The following TMEM108 variants were observed in gnomAD, a reference collection of about 807,000 sequenced individuals.
The protein encoded by TMEM108 is transmembrane protein 108, also known as cancer/testis antigen 124.
TMEM108 carries 12 observed loss-of-function variants against 35.1 expected under a neutral mutation model. The observed-to-expected ratio is 0.34, with a 90% CI of 0.22 to 0.55. The LOEUF (loss-of-function observed/expected upper bound fraction) is 0.55, where lower values mean the gene tolerates loss of function less well. Ranked by LOEUF, TMEM108 falls within the 20% of genes least tolerant of loss-of-function variation. TMEM108 has a pLI of 0.89. For missense variants in TMEM108, 680 were observed against 753.3 expected (o/e 0.90, Z 1.14); for synonymous variants, 287 against 308.6 (o/e 0.93, Z 0.73).
chr3:133,305,609 C>G (rs2071023507), intron 3 of TMEM108, among the ~76,000 whole-genome samples: 1 of 151,992 alleles, frequency 6.6e-6, no homozygotes, highest in Non-Finnish European at 1.5e-5. Flanking sequence ...TGAATAGATT[C>G]CTAGGAGTGA....
At position 133,229,433 on chromosome 3, in the gene TMEM108, G is replaced by A. The variant is rs892695585; in HGVS notation, c.40+82G>A. Reference sequence around the variant, plus strand: ...GGTACCCACAACTTACTTTTTGGACGGAGACCAGGGTTGGATCGGTGAAAG... The same window carrying A: ...GGTACCCACAACTTACTTTTTGGACAGAGACCAGGGTTGGATCGGTGAAAG... On this transcript the variant is annotated intron_variant, in intron 3 of 5. Coordinates refer to ENST00000321871, the MANE Select transcript of TMEM108 (RefSeq NM_023943.4). 1.0e-4 allele frequency: 139 copies of A among 1,361,068 alleles called. 2 individuals carry two copies. In the Middle Eastern group the frequency reaches 2.4e-3, roughly 23 times the overall value. The allele number at this position is 1,361,068 out of a possible 1,614,324, so 84.3% of individuals were successfully genotyped here.
intron 2 of TMEM108, among the ~76,000 whole-genome samples, chr3:133,107,984 C>G (rs1295775735): frequency 6.6e-6 from 1 of 152,144 alleles, no homozygotes; most frequent in Non-Finnish European, 1.5e-5. Flanking sequence ...GTAATCCCAG[C>G]ACTTTGGGAG....
intron 3 of TMEM108, among the ~76,000 whole-genome samples, chr3:133,312,599 G>A (rs1372132008): frequency 6.6e-6 from 1 of 152,234 alleles, no homozygotes; most frequent in Non-Finnish European, 1.5e-5. Context: ...GCAGTATTTG[G>A]GCAGAGTGTC....
intron 2 of TMEM108, among the ~76,000 whole-genome samples, chr3:133,221,660 C>CTTTTTTTTTTTTTTTTTT (rs3078806): frequency 8.3e-5 from 5 of 60,358 alleles, no homozygotes; most frequent in Admixed American, 7.4e-4. Flanking sequence ...ACATTGATTC[C>CTTTTTTTTTTTTTTTTTT]TTTTTTTTTT....
intron 3 of TMEM108, among the ~76,000 whole-genome samples, chr3:133,314,887 C>T (rs1263162001): frequency 6.6e-6 from 1 of 152,232 alleles, no homozygotes; most frequent in African/African-American, 2.4e-5. Flanking sequence ...CCTGGATTTG[C>T]ATAGCTCTTT....
intron 2 of TMEM108, among the ~76,000 whole-genome samples, chr3:133,097,908 C>G (rs1007163724): frequency 6.6e-6 from 1 of 152,158 alleles, no homozygotes; most frequent in African/African-American, 2.4e-5. Context: ...ACACCTCAGC[C>G]TTCTAAGTTT....
intron 3 of TMEM108, among the ~76,000 whole-genome samples, chr3:133,306,374 T>A (rs1224148227): frequency 1.3e-5 from 2 of 152,206 alleles, no homozygotes; most frequent in African/African-American, 2.4e-5. Flanking sequence ...TCCTTCAATT[T>A]TTTTTATTAT....
intron 2 of TMEM108, among the ~76,000 whole-genome samples, chr3:133,145,092 T>A (rs1177219330): frequency 6.6e-6 from 1 of 152,218 alleles, no homozygotes; most frequent in Admixed American, 6.5e-5. Flanking sequence ...TTTTTATGGT[T>A]TTAGGTCTTT....
intron 2 of TMEM108, among the ~76,000 whole-genome samples, chr3:133,197,103 C>A (rs1341457990): frequency 6.6e-6 from 1 of 152,158 alleles, no homozygotes; most frequent in Non-Finnish European, 1.5e-5. Context: ...TATCCATTCA[C>A]AGAGTAACAG....
At chr3:133,358,593 T>C (rs1264899986) in intron 3 of TMEM108, among the ~76,000 whole-genome samples, 5 of 152,110 alleles carry the variant, frequency 3.3e-5, no homozygotes, top group African/African-American at 1.2e-4. Context: ...CCAGGTGGAC[T>C]CTCTGGGCAT....
rs114791417 is a variant in TMEM108 at position 133,218,222 on chromosome 3, A to G, written c.-46-11044A>G. ...TCTTTAGATAGTTTGTTGTTAGTGT[A>G]TAGACATGCAACTAATTATGTGTGT... On this transcript the variant is annotated intron_variant, in intron 2 of 5. Coordinates refer to ENST00000321871, the MANE Select transcript of TMEM108 (RefSeq NM_023943.4). 9.3e-3 allele frequency among the ~76,000 whole-genome samples: 1,407 copies of G among 152,040 alleles called. 19 individuals carry two copies. The highest frequency in any genetic ancestry group is 0.032 in the African/African-American group (1,336 of 41,520).
intron 3 of TMEM108, among the ~76,000 whole-genome samples, chr3:133,337,894 T>C (rs1207557456): frequency 2.0e-5 from 3 of 151,586 alleles, no homozygotes; most frequent in Non-Finnish European, 2.9e-5. Flanking sequence ...AATACTGGAG[T>C]TGAAAAATGC....
intron 3 of TMEM108, among the ~76,000 whole-genome samples, chr3:133,264,536 T>TAGCAAAGA (rs1946670704): frequency 6.6e-6 from 1 of 152,160 alleles, no homozygotes; most frequent in Non-Finnish European, 1.5e-5. Flanking sequence ...TAACACCGTT[T>TAGCAAAGA]TGTAGCAAAG....
At chr3:133,256,524 T>C (rs1407423140) in intron 3 of TMEM108, among the ~76,000 whole-genome samples, 2 of 152,148 alleles carry the variant, frequency 1.3e-5, no homozygotes, top group African/African-American at 4.8e-5. Flanking sequence ...TAATAGCAGT[T>C]AAGTTGGGAG....
In TMEM108 at chr3:133,325,175, T is replaced by C. The variant is rs183612127; in HGVS notation, c.41-54577T>C. Among the ~76,000 whole-genome samples the C allele has an allele frequency of 2.5e-4, 38 of 152,254 alleles. 1 individual carries two copies. Among genetic ancestry groups the C allele is most frequent in the Admixed American group, 1.6e-3 (24 of 15,286 alleles). ...ATAAAAAAGGAATGAAATAATGGCA[T>C]TCAAAGCAAGCTGGATGGAGTTTGA... On this transcript the variant is annotated intron_variant, in intron 3 of 5. Coordinates refer to ENST00000321871, the MANE Select transcript of TMEM108 (RefSeq NM_023943.4).
intron 5 of TMEM108, among the ~76,000 whole-genome samples, chr3:133,391,925 C>T (rs77604448): frequency 0.036 from 5,512 of 152,214 alleles, 315 homozygotes; most frequent in African/African-American, 0.13. Flanking sequence ...TACCCCTCTC[C>T]CCTACTTGAG....
chr3:133,193,923 G>C (rs974408010), intron 2 of TMEM108, among the ~76,000 whole-genome samples: 1 of 149,522 alleles, frequency 6.7e-6, no homozygotes, highest in African/African-American at 2.5e-5. Flanking sequence ...CTTAGGAATA[G>C]TAGGAACATT....
intron 4 of TMEM108, among the ~76,000 whole-genome samples, chr3:133,383,541 A>C (rs1487126788): frequency 6.6e-6 from 1 of 152,176 alleles, no homozygotes; most frequent in Non-Finnish European, 1.5e-5. Context: ...GGCTACACCC[A>C]CCTGGATTTT....
At chr3:133,302,709 C>T (rs987079067) in intron 3 of TMEM108, among the ~76,000 whole-genome samples, 23 of 152,174 alleles carry the variant, frequency 1.5e-4, no homozygotes, top group Non-Finnish European at 1.9e-4. Flanking sequence ...CGTGAGCCAC[C>T]GCCCCCGGCC....
Sources: gnomAD v4.1 joint callset for allele counts (sites outside exome capture counted in the v4.1 genomes callset) on GRCh38, gnomAD v4.1.1 for gene constraint, MANE v1.5 for transcripts, NCBI Gene and HGNC (gene_info 2026-07-23, HGNC 2026-07-21) for gene names.